The following LRRC18 variants were observed in gnomAD, a reference collection of about 807,000 sequenced individuals.
LRRC18 encodes leucine rich repeat containing 18.
A neutral mutation model predicts 11.2 loss-of-function variants in LRRC18; 12 were observed. The ratio of observed to expected loss-of-function variants is 1.07; its 90% CI spans 0.69 to 1.74. The LOEUF (loss-of-function observed/expected upper bound fraction) is 1.74. LRRC18 is among the 40% of genes most tolerant of loss of function. The probability of loss-of-function intolerance (pLI) is 0.00; values close to 1 mark genes in which losing one functional copy is unlikely to be tolerated. For synonymous variants in LRRC18, 155 were observed against 130.6 expected (o/e 1.19, Z -1.27); for missense variants, 374 against 330.5 (o/e 1.13, Z -1.02).
the LRRC18 span, among the ~76,000 whole-genome samples, chr10:48,925,223 C>T: frequency 6.6e-6 from 1 of 152,210 alleles, no homozygotes; most frequent in Non-Finnish European, 1.5e-5. Flanking sequence ...CTAACTGTGA[C>T]CTCCCGAGTG....
the LRRC18 span, among the ~76,000 whole-genome samples, chr10:48,937,758 C>T: frequency 6.6e-6 from 1 of 152,228 alleles, no homozygotes; most frequent in African/African-American, 2.4e-5. Context: ...CAGGGTGTCT[C>T]TGGTTTGAAA....
chr10:48,925,545 T>A, the LRRC18 span, among the ~76,000 whole-genome samples: 1 of 152,224 alleles, frequency 6.6e-6, no homozygotes, highest in Non-Finnish European at 1.5e-5. Flanking sequence ...CTTGGGGGTA[T>A]AAACATAAAG....
upstream of LRRC18, among the ~76,000 whole-genome samples, chr10:48,917,523 G>C (rs7899092): frequency 0.12 from 17,768 of 152,220 alleles, 2,669 homozygotes; most frequent in African/African-American, 0.35. Context: ...CACCCACAGG[G>C]GAACAGCAAT....
At chr10:48,935,687 G>A in the LRRC18 span, among the ~76,000 whole-genome samples, 1 of 152,086 alleles carries the variant, frequency 6.6e-6, no homozygotes, top group Non-Finnish European at 1.5e-5. Flanking sequence ...TTTTTCCACT[G>A]TTAAATCAGA....
At chr10:48,932,399 C>T in the LRRC18 span, 1 of 152,186 alleles carries the variant, frequency 6.6e-6, no homozygotes, top group Non-Finnish European at 1.5e-5. Context: ...CAAGCACTGA[C>T]AAATTATTAA....
chr10:48,936,387 T>A, the LRRC18 span, among the ~76,000 whole-genome samples: 1 of 152,156 alleles, frequency 6.6e-6, no homozygotes, highest in Non-Finnish European at 1.5e-5. Context: ...CTACCCAGTA[T>A]ACTTCTAATT....
chr10:48,913,684 T>G (rs1342321442), exon 1 of LRRC18: 8 of 1,612,980 alleles, frequency 5.0e-6, no homozygotes, highest in Non-Finnish European at 6.8e-6. Context: ...ACGGGGATGT[T>G]GTTCAGTAGG....
the LRRC18 span, among the ~76,000 whole-genome samples, chr10:48,919,987 C>T: frequency 6.6e-6 from 1 of 152,062 alleles, no homozygotes; most frequent in Non-Finnish European, 1.5e-5. Flanking sequence ...TCTTCATGAA[C>T]ATAGTTACAA....
At chr10:48,926,938 A>G in the LRRC18 span, among the ~76,000 whole-genome samples, 2 of 152,192 alleles carry the variant, frequency 1.3e-5, no homozygotes, top group Non-Finnish European at 2.9e-5. Flanking sequence ...GCCTTGCCAC[A>G]TGGAGTGTGA....
At chr10:48,915,447 C>T (rs1278296064), upstream of LRRC18, among the ~76,000 whole-genome samples, 1 of 151,816 alleles carries the variant, frequency 6.6e-6, no homozygotes, top group African/African-American at 2.4e-5. Context: ...ATTTCCAAAC[C>T]AGGCAGAAGT....
At chr10:48,922,263 G>A in the LRRC18 span, among the ~76,000 whole-genome samples, 1 of 152,172 alleles carries the variant, frequency 6.6e-6, no homozygotes, top group Non-Finnish European at 1.5e-5. Context: ...ATCCCACCCA[G>A]ACCTTGAATC....
chr10:48,923,760 G>A, the LRRC18 span, among the ~76,000 whole-genome samples: 1 of 151,960 alleles, frequency 6.6e-6, no homozygotes, highest in Non-Finnish European at 1.5e-5. Flanking sequence ...CACTGATTCT[G>A]GCCACCAGAT....
the LRRC18 span, among the ~76,000 whole-genome samples, chr10:48,935,460 G>A: frequency 1.3e-5 from 2 of 152,218 alleles, no homozygotes; most frequent in African/African-American, 4.8e-5. Context: ...CCTGTCTATG[G>A]CAACGGCCAA....
intron 1 of LRRC18, among the ~76,000 whole-genome samples, chr10:48,912,474 G>T (rs1005375612): frequency 6.6e-6 from 1 of 152,156 alleles, no homozygotes; most frequent in African/African-American, 2.4e-5. Flanking sequence ...TTTTCTCTTT[G>T]CCAGGCCAGC....
the LRRC18 span, among the ~76,000 whole-genome samples, chr10:48,930,891 C>T: frequency 6.6e-6 from 1 of 152,122 alleles, no homozygotes; most frequent in African/African-American, 2.4e-5. Context: ...TTCTCTGGCA[C>T]ACATGCACCC....
At chr10:48,931,934 C>T in the LRRC18 span, among the ~76,000 whole-genome samples, 21 of 152,296 alleles carry the variant, frequency 1.4e-4, no homozygotes, top group African/African-American at 4.6e-4. Flanking sequence ...ATAGGATGGC[C>T]ACCCACATGT....
rs1409181163 is a variant in LRRC18 at position 48,910,952 on chromosome 10, G to A, written c.765-694C>T. 5 of 978,278 alleles carry A rather than the reference G, an allele frequency of 5.1e-6. No homozygotes were observed. The African/African-American group carries it at 7.0e-5, about 14-fold the overall frequency. 60.6% of individuals were successfully genotyped at this position (978,278 alleles called of 1,614,324 possible). On this transcript the variant is annotated intron_variant, in intron 1 of 1. Transcript: ENST00000374160. Reference sequence around the variant, plus strand: ...CTGAACCTTTTGAATACCTAAGGAGGGAAAATTAATTCTAAAGAAAAAGTG... The same window carrying A: ...CTGAACCTTTTGAATACCTAAGGAGAGAAAATTAATTCTAAAGAAAAAGTG...
chr10:48,913,707 C>G lies in LRRC18; in HGVS notation c.449G>C (p.Gly150Ala), dbSNP rs1838227281. Residue 150 changes from glycine (G) to alanine (A), a missense_variant, in exon 1 of 2, where the codon GGG becomes GCG. By Grantham distance (60) the Gly-to-Ala change is moderately conservative. Transcript: ENST00000374160. ...GTTGTTCAGTAGGTTGTCATGGAGCCCTACCTCGTGGAGCTCCTTCAGGGC... is the reference window on the plus strand; with the variant it reads ...GTTGTTCAGTAGGTTGTCATGGAGCGCTACCTCGTGGAGCTCCTTCAGGGC... 6.2e-7 allele frequency: 1 copy of G among 1,612,368 alleles called. No homozygotes were observed. Among genetic ancestry groups the G allele is most frequent in the Non-Finnish European group, 8.5e-7 (1 of 1,178,682 alleles).
the LRRC18 span, among the ~76,000 whole-genome samples, chr10:48,933,609 C>A: frequency 6.6e-6 from 1 of 152,292 alleles, no homozygotes; most frequent in Non-Finnish European, 1.5e-5. Context: ...TCATCCCTCC[C>A]TGAAAAAGAA....
Sources: gnomAD v4.1 joint callset for allele counts (sites outside exome capture counted in the v4.1 genomes callset) on GRCh38, gnomAD v4.1.1 for gene constraint, MANE v1.5 for transcripts, NCBI Gene and HGNC (gene_info 2026-07-23, HGNC 2026-07-21) for gene names.